HYAL4: variants seen among roughly 807,000 people sequenced by gnomAD.
The protein encoded by HYAL4 is hyaluronidase-4.
A neutral mutation model predicts 35.2 loss-of-function variants in HYAL4; 37 were observed. That is an observed-to-expected ratio of 1.05 (90% CI 0.81 to 1.38). The LOEUF (loss-of-function observed/expected upper bound fraction) is 1.38. HYAL4 is among the 40% of genes most tolerant of loss of function. The pLI is 0.00. For synonymous variants in HYAL4, 198 were observed against 203.2 expected, an observed-to-expected ratio of 0.97 and a Z score of 0.22; for missense variants, 572 against 572.4, an observed-to-expected ratio of 1.00 and a Z score of 0.01.
At chr7:123,802,451 C>G in the HYAL4 span, among the ~76,000 whole-genome samples, 1 of 152,166 alleles carries the variant, frequency 6.6e-6, no homozygotes, top group Non-Finnish European at 1.5e-5. Context: ...TTAAATGGAA[C>G]TTATGCCTTT....
chr7:123,789,065 G>T, the HYAL4 span, among the ~76,000 whole-genome samples: 32 of 152,308 alleles, frequency 2.1e-4, no homozygotes, highest in Non-Finnish European at 4.0e-4. Context: ...AGACTGAAAT[G>T]ACCCATGAAG....
In HYAL4 at chr7:123,832,669, T is replaced by G. The variant is rs1235929852; in HGVS notation, c.-257+3545T>G. On this transcript the variant is annotated intron_variant, in intron 1 of 4. Transcript: ENST00000489978. ...TGCCCACCACCATGCCTGGCTAATTTTTTTTGTATTTTTAGTAGAGACGGG... is the reference window on the plus strand; with the variant it reads ...TGCCCACCACCATGCCTGGCTAATTGTTTTTGTATTTTTAGTAGAGACGGG... 2.6e-5 allele frequency among the ~76,000 whole-genome samples: 4 copies of G among 151,586 alleles called. No individual in the cohort carries two copies. The East Asian group carries it at 5.8e-4, about 22-fold the overall frequency.
chr7:123,830,522 A>T (rs959418782), intron 1 of HYAL4, among the ~76,000 whole-genome samples: 3 of 152,220 alleles, frequency 2.0e-5, no homozygotes, highest in African/African-American at 7.2e-5. Flanking sequence ...CTTACCTCGC[A>T]TTATTGTTAG....
the HYAL4 span, among the ~76,000 whole-genome samples, chr7:123,767,980 C>G: frequency 2.0e-5 from 3 of 152,124 alleles, no homozygotes; most frequent in African/African-American, 4.8e-5. Context: ...CCCATGCAAC[C>G]TTTGGGACTG....
the HYAL4 span, among the ~76,000 whole-genome samples, chr7:123,774,438 T>C: frequency 2.7e-5 from 4 of 150,034 alleles, no homozygotes; most frequent in East Asian, 7.8e-4. Flanking sequence ...CAATTTTCCT[T>C]TTTTTTTTTC....
chr7:123,787,160 T>C, the HYAL4 span, among the ~76,000 whole-genome samples: 1 of 151,982 alleles, frequency 6.6e-6, no homozygotes, highest in East Asian at 1.9e-4. Flanking sequence ...TTACTTTATT[T>C]TGAAAAATCA....
At position 123,830,824 on chromosome 7, in the gene HYAL4, A is replaced by T. The variant is rs189086941; in HGVS notation, c.-257+1700A>T. On this transcript the variant is annotated intron_variant, in intron 1 of 4. Transcript: ENST00000489978. Reference sequence around the variant, plus strand: ...TTTGCTTTCAATTTTTTTTTCAAATAGTTAGCTAATTTTCACTGTTCAGTT... The same window carrying T: ...TTTGCTTTCAATTTTTTTTTCAAATTGTTAGCTAATTTTCACTGTTCAGTT... Among the ~76,000 whole-genome samples, 78 of 152,116 alleles carry T rather than the reference A, an allele frequency of 5.1e-4. No individual in the cohort carries two copies. The South Asian group carries it at 7.5e-3, about 15-fold the overall frequency.
the HYAL4 span, among the ~76,000 whole-genome samples, chr7:123,786,679 CATA>C: frequency 9.2e-5 from 14 of 152,090 alleles, no homozygotes; most frequent in South Asian, 2.5e-3. Context: ...AACCTTAGCA[CATA>C]ATACATTCTC....
upstream of HYAL4, among the ~76,000 whole-genome samples, chr7:123,825,951 T>C (rs549386203): frequency 2.0e-5 from 3 of 152,108 alleles, no homozygotes; most frequent in Admixed American, 2.0e-4. Context: ...CTATGTTAAA[T>C]AATCAAAACT....
the HYAL4 span, among the ~76,000 whole-genome samples, chr7:123,790,137 T>A: frequency 6.6e-6 from 1 of 152,194 alleles, no homozygotes; most frequent in Non-Finnish European, 1.5e-5. Flanking sequence ...CCACCCACAT[T>A]AGCCAATTCA....
intron 1 of HYAL4, among the ~76,000 whole-genome samples, chr7:123,838,791 G>A (rs1023249545): frequency 4.0e-5 from 6 of 151,894 alleles, no homozygotes; most frequent in South Asian, 2.1e-4. Flanking sequence ...AGGTTTGGTC[G>A]TTTAACATAG....
the HYAL4 span, among the ~76,000 whole-genome samples, chr7:123,803,074 C>T: frequency 1.3e-5 from 2 of 152,126 alleles, no homozygotes; most frequent in Non-Finnish European, 2.9e-5. Flanking sequence ...GCATTCCCTT[C>T]TTGAGAAATA....
the HYAL4 span, among the ~76,000 whole-genome samples, chr7:123,773,396 C>A: frequency 6.6e-6 from 1 of 151,868 alleles, no homozygotes; most frequent in African/African-American, 2.4e-5. Flanking sequence ...TTAATTATTT[C>A]CTCTTTTCTA....
At chr7:123,805,965 G>A in the HYAL4 span, among the ~76,000 whole-genome samples, 1 of 152,060 alleles carries the variant, frequency 6.6e-6, no homozygotes, top group African/African-American at 2.4e-5. Context: ...CTGTACTCCA[G>A]CTTGGGTGAC....
chr7:123,792,217 G>T, the HYAL4 span, among the ~76,000 whole-genome samples: 4 of 152,190 alleles, frequency 2.6e-5, no homozygotes, highest in Non-Finnish European at 5.9e-5. Context: ...AGATCACATA[G>T]CACATAGAAA....
At chr7:123,827,058 T>C (rs2116902061), upstream of HYAL4, among the ~76,000 whole-genome samples, 1 of 152,208 alleles carries the variant, frequency 6.6e-6, no homozygotes, top group Non-Finnish European at 1.5e-5. Context: ...TAGGTGGGTA[T>C]ATAATCAATT....
upstream of HYAL4, chr7:123,844,469 G>A (rs1359727554): frequency 6.6e-6 from 1 of 152,226 alleles, no homozygotes; most frequent in Non-Finnish European, 1.5e-5. Flanking sequence ...GTGTCTCCCA[G>A]ATAGGCTACA....
At chr7:123,848,558 A>G (rs747550891) in intron 2 of HYAL4, among the ~76,000 whole-genome samples, 6 of 152,220 alleles carry the variant, frequency 3.9e-5, no homozygotes, top group Non-Finnish European at 5.9e-5. Flanking sequence ...TTAACTACAA[A>G]CAAGCCATAG....
At chr7:123,778,162 T>C in the HYAL4 span, among the ~76,000 whole-genome samples, 2 of 53,470 alleles carry the variant, frequency 3.7e-5, no homozygotes, top group African/African-American at 1.6e-4. Flanking sequence ...TCTGTCTGTC[T>C]ATCTATCTAT....
Sources: allele counts gnomAD v4.1 joint callset (sites outside exome capture counted in the v4.1 genomes callset), GRCh38; gene constraint gnomAD v4.1.1; transcripts MANE v1.5; gene names NCBI Gene and HGNC (gene_info 2026-07-23, HGNC 2026-07-21).